BCOR: variants seen among roughly 807,000 people sequenced by gnomAD.
The protein encoded by BCOR is BCL6 corepressor, also known as BCL-6 corepressor.
Under a neutral mutation model 86.7 loss-of-function variants are expected in BCOR, and 10 were observed. The observed-to-expected ratio is 0.12, with a 90% CI of 0.07 to 0.20. The LOEUF is 0.20. Ranked by LOEUF, BCOR falls within the 10% of genes least tolerant of loss-of-function variation. BCOR has a pLI of 1.00. For missense variants in BCOR, 1,259 were observed against 1,452.1 expected (o/e 0.87, Z 2.16); for synonymous variants, 611 against 609.0 (o/e 1.00, Z -0.05).
chrX:40,168,965 T>TG (rs1181777359), intron 1 of BCOR, among the ~76,000 whole-genome samples: 1 of 112,289 alleles, frequency 8.9e-6, no homozygotes, highest in Non-Finnish European at 1.9e-5. Flanking sequence ...GCGCGCAGGC[T>TG]GCAGCGGCCT....
chrX:40,125,282 G>A, intron 1 of BCOR, among the ~76,000 whole-genome samples: 1 of 111,667 alleles, frequency 9.0e-6, no homozygotes, highest in Non-Finnish European at 1.9e-5. Context: ...CACCCAGGCT[G>A]GAGTGCAGTG....
intron 1 of BCOR, among the ~76,000 whole-genome samples, chrX:40,107,490 T>G (rs781355803): frequency 8.8e-6 from 1 of 113,119 alleles, no homozygotes; most frequent in Non-Finnish European, 1.9e-5. Context: ...AGGCGGCAAT[T>G]TTTTAAGCCT....
chrX:40,110,661 C>CTTTTTTT (rs1569182584), intron 1 of BCOR, among the ~76,000 whole-genome samples: 2 of 24,725 alleles, frequency 8.1e-5, no homozygotes, highest in East Asian at 2.4e-3. Context: ...TTCTTTTTTC[C>CTTTTTTT]TTTTTCTTTT....
At position 40,054,239 on chromosome X, in the gene BCOR, C is replaced by T. The variant is rs745593429; in HGVS notation, c.4819+17G>A. 4.1e-5 allele frequency: 49 copies of T among 1,198,873 alleles called. 1 individual carries two copies. In the East Asian group the frequency reaches 1.4e-3, roughly 34 times the overall value. On this transcript the variant is annotated intron_variant, in intron 13 of 14. Coordinates refer to ENST00000378444, the MANE Select transcript of BCOR (RefSeq NM_001123385.2). Reference sequence around the variant, plus strand: ...TTGTTCACCTCCTACGGAACTAGAGCAAACAATGCAGCTTACCACAAACAG... The same window carrying T: ...TTGTTCACCTCCTACGGAACTAGAGTAAACAATGCAGCTTACCACAAACAG...
chrX:40,051,991 T>G lies in BCOR; in HGVS notation c.*118A>C. On this transcript the variant is annotated 3_prime_UTR_variant, in exon 15 of 15. Coordinates refer to ENST00000378444, the MANE Select transcript of BCOR (RefSeq NM_001123385.2). ...TCTGACTGGAGTAATTTCTCTTATA[T>G]AAAGAAGAGATATTTTCATATGTAA... The G allele has an allele frequency of 1.5e-6, 1 of 687,808 alleles. No individual in the cohort carries two copies. The highest frequency in any genetic ancestry group is 2.0e-6 in the Non-Finnish European group (1 of 493,211). The allele number at this position is 687,808 out of a possible 1,213,427, so 56.7% of individuals were successfully genotyped here.
At chrX:40,088,964 T>G (rs372857547) in intron 1 of BCOR, among the ~76,000 whole-genome samples, 4 of 111,791 alleles carry the variant, frequency 3.6e-5, no homozygotes, top group African/African-American at 1.3e-4. Flanking sequence ...GAAGCAAGTC[T>G]TTTCATATGG....
chrX:40,066,046 T>C (rs1181886358), intron 6 of BCOR, among the ~76,000 whole-genome samples: 2 of 110,766 alleles, frequency 1.8e-5, no homozygotes, highest in African/African-American at 6.6e-5. Flanking sequence ...GGGGAACAGA[T>C]GGGGCTGCAT....
At chrX:40,109,355 G>T (rs1167561112) in intron 1 of BCOR, among the ~76,000 whole-genome samples, 1 of 111,427 alleles carries the variant, frequency 9.0e-6, no homozygotes, top group Non-Finnish European at 1.9e-5. Flanking sequence ...TCAAGGGCAG[G>T]ACAGAAACTC....
At chrX:40,148,306 C>G (rs1027393205) in intron 1 of BCOR, among the ~76,000 whole-genome samples, 13 of 111,745 alleles carry the variant, frequency 1.2e-4, no homozygotes, top group African/African-American at 4.2e-4. Flanking sequence ...ACCCACGGCC[C>G]CACCCCCGCG....
intron 1 of BCOR, among the ~76,000 whole-genome samples, chrX:40,125,253 CTG>C (rs1334001852): frequency 9.1e-6 from 1 of 110,348 alleles, no homozygotes; most frequent in Non-Finnish European, 1.9e-5. Flanking sequence ...GAGAAATTGA[CTG>C]TGGAGTCTCA....
chrX:40,174,011 ACT>A (rs1938688187), intron 1 of BCOR, among the ~76,000 whole-genome samples: 1 of 112,912 alleles, frequency 8.9e-6, no homozygotes, highest in African/African-American at 3.2e-5. Context: ...TGAAATGGCG[ACT>A]CTGGCAAAAA....
intron 1 of BCOR, among the ~76,000 whole-genome samples, chrX:40,158,598 C>T (rs1249939909): frequency 8.9e-6 from 1 of 112,510 alleles, no homozygotes; most frequent in East Asian, 2.8e-4. Flanking sequence ...TCCCGGACTC[C>T]CGCGATGGTC....
chrX:40,133,428 C>T (rs754693374), intron 1 of BCOR, among the ~76,000 whole-genome samples: 23 of 102,221 alleles, frequency 2.3e-4, no homozygotes, highest in African/African-American at 6.8e-4. Flanking sequence ...GAGCCACCGC[C>T]CCCGGCCATC....
chrX:40,145,978 G>A (rs1250667689), intron 1 of BCOR, among the ~76,000 whole-genome samples: 2 of 111,710 alleles, frequency 1.8e-5, no homozygotes, highest in Non-Finnish European at 3.8e-5. Flanking sequence ...CGTGGGACGC[G>A]GCGGCGGAGA....
chrX:40,175,589 C>A (rs1938729330), intron 1 of BCOR, among the ~76,000 whole-genome samples: 1 of 113,333 alleles, frequency 8.8e-6, no homozygotes, highest in Admixed American at 9.2e-5. Context: ...GACACCGCCG[C>A]CCTCGCCAAC....
At chrX:40,150,485 A>G (rs1938145820) in intron 1 of BCOR, among the ~76,000 whole-genome samples, 1 of 112,583 alleles carries the variant, frequency 8.9e-6, no homozygotes, top group Admixed American at 9.4e-5. Context: ...GGAAAACTCC[A>G]AAGTAGTAAT....
rs1263490186 is a variant in BCOR at position 40,097,513 on chromosome X, G to A, written c.-339C>T. 5.5e-5 allele frequency: 6 copies of A among 108,518 alleles called. No individual in the cohort carries two copies. Among genetic ancestry groups the A allele is most frequent in the Non-Finnish European group, 9.7e-5 (5 of 51,433 alleles). 8.9% of individuals were successfully genotyped at this position (108,518 alleles called of 1,213,427 possible). Reference sequence around the variant, plus strand: ...CTGCCCTCGGGGTCGGCCCCGCCGAGGGGTGGGCTCTGGGCCGGGTGGGGG... The same window carrying A: ...CTGCCCTCGGGGTCGGCCCCGCCGAAGGGTGGGCTCTGGGCCGGGTGGGGG... On this transcript the variant is annotated 5_prime_UTR_variant, in exon 1 of 15. Coordinates refer to ENST00000378444, the MANE Select transcript of BCOR (RefSeq NM_001123385.2).
rs886043690 is a variant in BCOR, at chrX:40,074,132, G to A, written c.1214C>T (p.Pro405Leu). Residue 405 changes from proline to leucine, a missense_variant, in exon 4 of 15, where the codon CCA becomes CTA. Around this residue, in one of 7 missense-constraint regions of BCOR, gnomAD observed 534 missense variants for 594.8 expected, o/e 0.90. Transcript: ENST00000378444. ...TGTCTTCCGGGCATGCCCGGGCACT[G>A]GCTGGGCACCTTCGCCCCCTTCCGG... ...KAPEGGEGAQ[P>L]VPGHARKTAV... The A allele has an allele frequency of 8.2e-7, 1 of 1,212,433 alleles. No individual in the cohort carries two copies. Among genetic ancestry groups the A allele is most frequent in the East Asian group, 3.0e-5 (1 of 33,861 alleles).
rs892581814 is a variant in BCOR, at chrX:40,052,117, AGTT to A, written c.5257_5259del (p.Asn1753del). ...TGGTGGGTCCAGCTTGCTCACCAGT[AGTT>A]GTCTGAGGCCAGATCACTGGGGTGG... is the stretch of plus-strand genomic sequence containing the variant. On this transcript the variant is annotated inframe_deletion, in exon 15 of 15. Coordinates refer to ENST00000378444, the MANE Select transcript of BCOR (RefSeq NM_001123385.2). 8.4e-7 allele frequency: 1 copy of A among 1,195,477 alleles called. No individual in the cohort carries two copies. Among genetic ancestry groups the A allele is most frequent in the African/African-American group, 1.7e-5 (1 of 57,582 alleles).
Sources: gnomAD v4.1 joint callset for allele counts (sites outside exome capture counted in the v4.1 genomes callset) on GRCh38, gnomAD v4.1.1 for gene constraint, gnomAD v4.1.1 regional missense constraint, MANE v1.5 for transcripts, NCBI Gene and HGNC (gene_info 2026-07-23, HGNC 2026-07-21) for gene names.